Variants in NAV3 observed in about 807,000 individuals in gnomAD.
NAV3 encodes the protein neuron navigator 3, also known as pore membrane and/or filament interacting like protein 1.
In NAV3, 87 loss-of-function variants were observed where a neutral mutation model predicts 244.7. The ratio of observed to expected loss-of-function variants is 0.36; its 90% CI spans 0.30 to 0.42. The LOEUF is 0.42. Ranked by LOEUF, NAV3 falls within the 20% of genes least tolerant of loss-of-function variation. The pLI is 1.00. For missense variants in NAV3, 2,663 were observed against 2,893.3 expected (o/e 0.92, Z 1.83); for synonymous variants, 1,126 against 1,042.2 (o/e 1.08, Z -1.55).
chr12:77,903,814 C>A (rs1316799132), intron 1 of NAV3, among the ~76,000 whole-genome samples: 1 of 151,902 alleles, frequency 6.6e-6, no homozygotes, highest in Non-Finnish European at 1.5e-5. Flanking sequence ...AACAAACAAC[C>A]CCATCAAAAA....
rs1282997252 is a variant in NAV3 at position 78,212,142 on chromosome 12, A to G, written c.*1625A>G. ...ATGCTTCAAAACTGTACATGAAGCC[A>G]ATATATTTTTGGATAAGTAAAACTG... On this transcript the variant is annotated 3_prime_UTR_variant, in exon 40 of 40. Transcript: ENST00000397909. 1 of 152,628 alleles carries G rather than the reference A, an allele frequency of 6.6e-6. No individual in the cohort carries two copies. Among genetic ancestry groups the G allele is most frequent in the East Asian group, 1.9e-4 (1 of 5,192 alleles). The allele number at this position is 152,628 out of a possible 1,614,324, so 9.5% of individuals were successfully genotyped here.
At chr12:77,904,194 C>T (rs1206339364) in intron 1 of NAV3, among the ~76,000 whole-genome samples, 1 of 152,168 alleles carries the variant, frequency 6.6e-6, no homozygotes, top group Non-Finnish European at 1.5e-5. Flanking sequence ...CACATGCACA[C>T]ATATGTTTAT....
At chr12:78,146,940 T>C (rs947119838) in intron 21 of NAV3, among the ~76,000 whole-genome samples, 11 of 152,092 alleles carry the variant, frequency 7.2e-5, no homozygotes, top group African/African-American at 2.7e-4. Context: ...CAGGAAAGAA[T>C]ACTATTTTAA....
chr12:77,908,048 T>C (rs1180562717), intron 1 of NAV3, among the ~76,000 whole-genome samples: 2 of 152,104 alleles, frequency 1.3e-5, no homozygotes, highest in African/African-American at 4.8e-5. Flanking sequence ...ACCACTCCCA[T>C]GTAGATACTA....
chr12:78,070,814 G>A (rs1952721838), intron 12 of NAV3, among the ~76,000 whole-genome samples: 2 of 148,926 alleles, frequency 1.3e-5, no homozygotes, highest in South Asian at 4.4e-4. Flanking sequence ...TTGGTTTTTT[G>A]TTCTTGTGAT....
Position 77,954,416 on chromosome 12 carries a change from T to C in NAV3, c.415-11813T>C, listed in dbSNP as rs544099566. Among the ~76,000 whole-genome samples, 3 of 152,326 alleles carry C rather than the reference T, an allele frequency of 2.0e-5. No homozygotes were observed. In the East Asian group the frequency reaches 5.8e-4, roughly 29 times the overall value. ...TAATGAGGCAGAAGAGCAAGCTCAT[T>C]GCAGAAAGACAGGTTTAAGTTTTAG... On this transcript the variant is annotated intron_variant, in intron 3 of 39. Transcript: ENST00000397909.
intron 2 of NAV3, among the ~76,000 whole-genome samples, chr12:77,729,501 G>A (rs1877029595): frequency 6.6e-6 from 1 of 151,780 alleles, no homozygotes; most frequent in African/African-American, 2.4e-5. Flanking sequence ...GGAAAAGGAG[G>A]AAAAAAGTAA....
At chr12:78,036,877 C>T in intron 9 of NAV3, 1 of 697,534 alleles carries the variant, frequency 1.4e-6, no homozygotes, top group Non-Finnish European at 2.6e-6. Context: ...CAGCGGCCTG[C>T]TGAACTCTCT....
At chr12:77,730,591 G>T (rs1486010100) in intron 2 of NAV3, among the ~76,000 whole-genome samples, 2 of 151,770 alleles carry the variant, frequency 1.3e-5, no homozygotes, top group Non-Finnish European at 2.9e-5. Flanking sequence ...AGGTGCTGAG[G>T]ATATCAGAGC....
intron 2 of NAV3, among the ~76,000 whole-genome samples, chr12:77,705,494 A>T (rs1875754513): frequency 6.6e-6 from 1 of 151,552 alleles, no homozygotes; most frequent in Admixed American, 6.6e-5. Flanking sequence ...TAAAATTATG[A>T]AATGGCTTTC....
chr12:77,841,837 G>T (rs573907264), intron 1 of NAV3, among the ~76,000 whole-genome samples: 1 of 152,286 alleles, frequency 6.6e-6, no homozygotes, highest in South Asian at 2.1e-4. Flanking sequence ...AGCCATCAGT[G>T]AAAGAGAGAA....
chr12:78,092,315 G>A (rs1360566672), intron 12 of NAV3, among the ~76,000 whole-genome samples: 2 of 151,934 alleles, frequency 1.3e-5, no homozygotes, highest in Non-Finnish European at 2.9e-5. Context: ...CAAACAGAAA[G>A]GACGTTGGAG....
intron 2 of NAV3, among the ~76,000 whole-genome samples, chr12:77,727,949 T>A (rs1876952421): frequency 6.6e-6 from 1 of 151,914 alleles, no homozygotes; most frequent in African/African-American, 2.4e-5. Flanking sequence ...CCCCACTGGC[T>A]ATAGGAGTGG....
intron 2 of NAV3, among the ~76,000 whole-genome samples, chr12:77,596,390 T>G (rs1487163441): frequency 6.6e-6 from 1 of 152,200 alleles, no homozygotes. Context: ...TATTTATTTC[T>G]AGATATATTA....
intron 20 of NAV3, among the ~76,000 whole-genome samples, chr12:78,141,405 A>C (rs1203549159): frequency 1.3e-5 from 2 of 152,192 alleles, no homozygotes; most frequent in African/African-American, 2.4e-5. Context: ...AGCCTACTGA[A>C]TCTCAATGGG....
chr12:77,607,377 A>T (rs1381744952), intron 2 of NAV3, among the ~76,000 whole-genome samples: 1 of 152,128 alleles, frequency 6.6e-6, no homozygotes, highest in Non-Finnish European at 1.5e-5. Context: ...TCTTTTGATA[A>T]TGGGAAGATG....
chr12:78,115,819 G>A (rs1394018249), intron 12 of NAV3, among the ~76,000 whole-genome samples: 1 of 152,092 alleles, frequency 6.6e-6, no homozygotes, highest in African/African-American at 2.4e-5. Flanking sequence ...GTATAGTTAG[G>A]TTATACCATC....
At chr12:78,207,082 T>G (rs1208376979) in intron 39 of NAV3, among the ~76,000 whole-genome samples, 1 of 152,084 alleles carries the variant, frequency 6.6e-6, no homozygotes, top group Non-Finnish European at 1.5e-5. Flanking sequence ...GGTGACGATC[T>G]ATCTGTTTTT....
At chr12:77,894,397 T>G (rs1448255074) in intron 1 of NAV3, among the ~76,000 whole-genome samples, 1 of 152,126 alleles carries the variant, frequency 6.6e-6, no homozygotes, top group Non-Finnish European at 1.5e-5. Flanking sequence ...TTTAATAATT[T>G]AGATTTGCAA....
Sources: gnomAD v4.1 joint callset for allele counts (sites outside exome capture counted in the v4.1 genomes callset) on GRCh38, gnomAD v4.1.1 for gene constraint, MANE v1.5 for transcripts, NCBI Gene and HGNC (gene_info 2026-07-23, HGNC 2026-07-21) for gene names.